ATG4C: variants seen among roughly 807,000 people sequenced by gnomAD.
ATG4C encodes cysteine protease ATG4C.
Under a neutral mutation model 57.6 loss-of-function variants are expected in ATG4C, and 56 were observed. That is an observed-to-expected ratio of 0.97 (90% CI 0.78 to 1.21). The LOEUF is 1.21. Among genes scored for constraint, ATG4C ranks in the 50% most tolerant of loss-of-function variants. ATG4C has a pLI of 0.00. For missense variants in ATG4C, 595 were observed against 529.8 expected, an observed-to-expected ratio of 1.12 and a Z score of -1.21; for synonymous variants, 157 against 174.1, an observed-to-expected ratio of 0.90 and a Z score of 0.78.
chr1:62,856,469 A>G (rs1666685497), intron 10 of ATG4C, among the ~76,000 whole-genome samples: 1 of 152,234 alleles, frequency 6.6e-6, no homozygotes, highest in Non-Finnish European at 1.5e-5. Flanking sequence ...TCCTCTAAGT[A>G]CTTTACATAT....
At chr1:62,814,325 C>T (rs929464656) in intron 3 of ATG4C, among the ~76,000 whole-genome samples, 1 of 152,146 alleles carries the variant, frequency 6.6e-6, no homozygotes, top group Non-Finnish European at 1.5e-5. Flanking sequence ...AACCATCCTT[C>T]TCAGCAGACT....
intron 6 of ATG4C, among the ~76,000 whole-genome samples, chr1:62,825,341 C>A (rs1245873031): frequency 6.6e-6 from 1 of 151,948 alleles, no homozygotes; most frequent in Non-Finnish European, 1.5e-5. Context: ...GTCCTCATAT[C>A]ACACAATCTA....
chr1:62,796,406 C>T (rs1281253467), intron 1 of ATG4C, among the ~76,000 whole-genome samples: 1 of 151,930 alleles, frequency 6.6e-6, no homozygotes, highest in Non-Finnish European at 1.5e-5. Context: ...AGGAATAATC[C>T]TCCAAGTTAC....
At chr1:62,798,645 A>G (rs1375174640) in intron 1 of ATG4C, among the ~76,000 whole-genome samples, 1 of 150,460 alleles carries the variant, frequency 6.6e-6, no homozygotes, top group Non-Finnish European at 1.5e-5. Flanking sequence ...CCATTTTAAT[A>G]TTTGTTTTTT....
At chr1:62,852,762 T>C (rs1666557131) in intron 10 of ATG4C, among the ~76,000 whole-genome samples, 1 of 145,846 alleles carries the variant, frequency 6.9e-6, no homozygotes, top group Non-Finnish European at 1.5e-5. Context: ...TTTTTTTTTT[T>C]CTAAATGTTC....
At chr1:62,801,383 G>A (rs983684042) in intron 1 of ATG4C, among the ~76,000 whole-genome samples, 3 of 152,234 alleles carry the variant, frequency 2.0e-5, no homozygotes, top group Non-Finnish European at 2.9e-5. Flanking sequence ...TATATCTAGA[G>A]TGTAAATTCC....
intron 10 of ATG4C, among the ~76,000 whole-genome samples, chr1:62,853,758 T>C (rs1253008304): frequency 6.6e-6 from 1 of 152,202 alleles, no homozygotes; most frequent in Non-Finnish European, 1.5e-5. Context: ...TTACAATTAT[T>C]TATCCCTAAT....
chr1:62,827,651 G>C (rs1368554712), intron 6 of ATG4C, among the ~76,000 whole-genome samples: 4 of 152,032 alleles, frequency 2.6e-5, no homozygotes, highest in Non-Finnish European at 5.9e-5. Context: ...AAATCAGGTA[G>C]GTATTTTTTT....
chr1:62,846,692 A>G (rs1411849275), intron 10 of ATG4C, among the ~76,000 whole-genome samples: 1 of 152,076 alleles, frequency 6.6e-6, no homozygotes, highest in East Asian at 1.9e-4. Flanking sequence ...TCTCTCTCAC[A>G]TCTCATAACA....
chr1:62,791,525 C>T (rs570231507), intron 1 of ATG4C, among the ~76,000 whole-genome samples: 1 of 152,278 alleles, frequency 6.6e-6, no homozygotes, highest in African/African-American at 2.4e-5. Flanking sequence ...TGAGGAGCTA[C>T]ATTTGGTGAG....
intron 10 of ATG4C, among the ~76,000 whole-genome samples, chr1:62,847,564 A>G (rs1374137857): frequency 6.6e-6 from 1 of 152,208 alleles, no homozygotes; most frequent in African/African-American, 2.4e-5. Context: ...TGCCCATGAA[A>G]CCTGCCCTAT....
intron 4 of ATG4C, among the ~76,000 whole-genome samples, chr1:62,818,362 G>A (rs1296300954): frequency 6.6e-6 from 1 of 152,094 alleles, no homozygotes; most frequent in African/African-American, 2.4e-5. Flanking sequence ...TATCATAAAT[G>A]TTAGTAAATA....
At chr1:62,791,866 C>G (rs1192250574) in intron 1 of ATG4C, among the ~76,000 whole-genome samples, 1 of 150,878 alleles carries the variant, frequency 6.6e-6, no homozygotes, top group Non-Finnish European at 1.5e-5. Context: ...CTAATGGAAC[C>G]ATTATGCTCC....
At chr1:62,793,422 G>C (rs1664351222) in intron 1 of ATG4C, among the ~76,000 whole-genome samples, 1 of 150,064 alleles carries the variant, frequency 6.7e-6, no homozygotes, top group South Asian at 2.1e-4. Flanking sequence ...GATCAGCCTG[G>C]GCCATATGGC....
intron 10 of ATG4C, among the ~76,000 whole-genome samples, chr1:62,855,052 A>T (rs1258638501): frequency 2.0e-5 from 3 of 148,184 alleles, no homozygotes; most frequent in Non-Finnish European, 4.5e-5. Flanking sequence ...TGTATGGGGG[A>T]TGGCTGGAGA....
chr1:62,841,546 A>C lies in ATG4C; in HGVS notation c.1208A>C (p.Lys403Thr), dbSNP rs766255996. 1.9e-6 allele frequency: 3 copies of C among 1,572,514 alleles called. No individual in the cohort carries two copies. In the Admixed American group the frequency reaches 5.5e-5, roughly 29 times the overall value. Residue 403 changes from lysine to threonine, a missense_variant and splice_region_variant, in exon 10 of 11, where the codon AAG becomes ACG. By Grantham distance (78) the Lys-to-Thr change is moderately conservative. Coordinates refer to ENST00000317868, the MANE Select transcript of ATG4C (RefSeq NM_032852.4). ...AAACGAGCTTCTGAAGAAATCACCA[A>C]GGTATCTTTATTTAAAATATTATAT... The part of the protein sequence containing the change: ...DFKRASEEIT[K>T]MLKFSSKEKY...
In ATG4C at chr1:62,850,842, G is replaced by GTGTATATGTA. The variant is rs578126859; in HGVS notation, c.1209+9298_1209+9299insATATGTATGT. Among the ~76,000 whole-genome samples, 68 of 53,034 alleles carry GTGTATATGTA rather than the reference G, an allele frequency of 1.3e-3. 4 individuals carry two copies. The highest frequency in any genetic ancestry group is 2.1e-3 in the Non-Finnish European group (57 of 26,748). 34.8% of individuals were successfully genotyped at this position (53,034 alleles called of 152,430 possible). A position where few individuals can be genotyped will look rare whatever the true frequency, so the allele number is the denominator to read the frequency against. ...ATTCTGCTGTATCATGTATGTATGT[G>GTGTATATGTA]TGTGTATGTATGTATATATATATAT... On this transcript the variant is annotated intron_variant, in intron 10 of 10. Coordinates refer to ENST00000317868, the MANE Select transcript of ATG4C (RefSeq NM_032852.4).
At chr1:62,842,426 T>C (rs796207609) in intron 10 of ATG4C, among the ~76,000 whole-genome samples, 11 of 151,796 alleles carry the variant, frequency 7.2e-5, no homozygotes, top group African/African-American at 2.7e-4. Context: ...CTCAGCCTCC[T>C]GAGTAGCTGG....
chr1:62,801,347 T>G (rs1664655153), intron 1 of ATG4C, among the ~76,000 whole-genome samples: 1 of 152,222 alleles, frequency 6.6e-6, no homozygotes, highest in Non-Finnish European at 1.5e-5. Context: ...TATATCCAAC[T>G]GCCTAGTTGA....
Sources: allele counts gnomAD v4.1 joint callset (sites outside exome capture counted in the v4.1 genomes callset), GRCh38; gene constraint gnomAD v4.1.1; transcripts MANE v1.5; gene names NCBI Gene and HGNC (gene_info 2026-07-23, HGNC 2026-07-21).